AUTS2: variants seen among roughly 807,000 people sequenced by gnomAD.
The protein encoded by AUTS2 is activator of transcription and developmental regulator AUTS2.
A neutral mutation model predicts 112.4 loss-of-function variants in AUTS2; 17 were observed. The observed-to-expected ratio is 0.15, with a 90% CI of 0.10 to 0.23. AUTS2 has a LOEUF of 0.23. Ranked by LOEUF, AUTS2 falls within the 10% of genes least tolerant of loss-of-function variation. The pLI is 1.00. For synonymous variants in AUTS2, 751 were observed against 702.7 expected, an observed-to-expected ratio of 1.07 and a Z score of -1.09; for missense variants, 1,510 against 1,701.6, an observed-to-expected ratio of 0.89 and a Z score of 1.98.
chr7:70,001,771 C>T lies in AUTS2; in HGVS notation c.522+102273C>T, dbSNP rs919214150. ...CTGCCACCAGGCTGGAATGCAGTGG[C>T]CTGATCTCTGTTCACTGCAACCTCT... On this transcript the variant is annotated intron_variant, in intron 2 of 18. Transcript: ENST00000342771. Among the ~76,000 whole-genome samples, 10 of 148,134 alleles carry T rather than the reference C, an allele frequency of 6.8e-5. 1 individual carries two copies.
chr7:70,192,774 G>A (rs1809971098), intron 4 of AUTS2, among the ~76,000 whole-genome samples: 1 of 152,208 alleles, frequency 6.6e-6, no homozygotes, highest in Non-Finnish European at 1.5e-5. Context: ...GAACTCTGAA[G>A]AAACCACCTC....
intron 1 of AUTS2, among the ~76,000 whole-genome samples, chr7:69,628,079 G>A (rs902831723): frequency 6.6e-6 from 1 of 152,084 alleles, no homozygotes; most frequent in African/African-American, 2.4e-5. Flanking sequence ...GTAATGTGTC[G>A]GTAATGTGTG....
At chr7:70,357,621 A>G (rs907202018) in intron 4 of AUTS2, among the ~76,000 whole-genome samples, 3 of 152,184 alleles carry the variant, frequency 2.0e-5, no homozygotes, top group African/African-American at 7.2e-5. Flanking sequence ...GTGAAGACCT[A>G]TGTGTTTTAC....
intron 1 of AUTS2, among the ~76,000 whole-genome samples, chr7:69,641,598 G>C (rs1382611468): frequency 6.6e-6 from 1 of 152,192 alleles, no homozygotes; most frequent in Non-Finnish European, 1.5e-5. Context: ...AGTAAATTCA[G>C]TAAATAAAAT....
chr7:70,556,686 T>C (rs980417120), intron 5 of AUTS2, among the ~76,000 whole-genome samples: 1 of 152,210 alleles, frequency 6.6e-6, no homozygotes, highest in Admixed American at 6.5e-5. Context: ...CTTGAGACCA[T>C]TTATCTCAGA....
At chr7:69,688,683 A>T (rs1433223920) in intron 1 of AUTS2, among the ~76,000 whole-genome samples, 2 of 152,192 alleles carry the variant, frequency 1.3e-5, no homozygotes, top group Non-Finnish European at 2.9e-5. Context: ...TATTATTGTT[A>T]ACTATAGTCA....
chr7:70,741,251 T>C (rs1313190122), intron 6 of AUTS2, among the ~76,000 whole-genome samples: 1 of 151,376 alleles, frequency 6.6e-6, no homozygotes, highest in African/African-American at 2.4e-5. Context: ...TTCCTTAAAA[T>C]CACCATGCTG....
chr7:70,703,490 CAAAAAAAAAAAAA>C, intron 6 of AUTS2, among the ~76,000 whole-genome samples: 1 of 98,622 alleles, frequency 1.0e-5, no homozygotes, highest in African/African-American at 4.0e-5. Context: ...GACACCATTT[CAAAAAAAAAAAAA>C]AAAAAAAAAG....
At chr7:69,744,337 T>C (rs1381928716) in intron 1 of AUTS2, among the ~76,000 whole-genome samples, 1 of 152,174 alleles carries the variant, frequency 6.6e-6, no homozygotes, top group African/African-American at 2.4e-5. Flanking sequence ...GTAGAACTTC[T>C]GCATCTTAAG....
At chr7:70,767,003 A>G (rs1202018478) in intron 9 of AUTS2, among the ~76,000 whole-genome samples, 1 of 150,208 alleles carries the variant, frequency 6.7e-6, no homozygotes, top group Non-Finnish European at 1.5e-5. Flanking sequence ...ACATGTCCAG[A>G]ACCAGTGAGG....
At chr7:69,883,262 C>T (rs1010824868) in intron 1 of AUTS2, among the ~76,000 whole-genome samples, 9 of 149,182 alleles carry the variant, frequency 6.0e-5, no homozygotes, top group African/African-American at 1.2e-4. Flanking sequence ...GCCTCAGCTT[C>T]GGGGTGGAGC....
chr7:70,791,137 C>A lies in AUTS2; in HGVS notation c.*141C>A. ...TCCCCTTGTAAAAAATGTATAGACT[C>A]AGTGCACATTTTGAAATGTTTTGTA... On this transcript the variant is annotated 3_prime_UTR_variant, in exon 19 of 19. Coordinates refer to ENST00000342771, the MANE Select transcript of AUTS2 (RefSeq NM_015570.4). The A allele has an allele frequency of 2.5e-6, 2 of 797,432 alleles. No homozygotes were observed. Among genetic ancestry groups the A allele is most frequent in the East Asian group, 3.2e-5 (1 of 31,004 alleles). 49.4% of individuals were successfully genotyped at this position (797,432 alleles called of 1,614,324 possible).
intron 4 of AUTS2, among the ~76,000 whole-genome samples, chr7:70,410,102 A>G (rs1239459530): frequency 6.6e-6 from 1 of 152,172 alleles, no homozygotes; most frequent in Non-Finnish European, 1.5e-5. Context: ...GTTTTAGGGA[A>G]CTTTATAATT....
chr7:70,381,859 G>C (rs757719692), intron 4 of AUTS2, among the ~76,000 whole-genome samples: 2 of 152,046 alleles, frequency 1.3e-5, no homozygotes, highest in Non-Finnish European at 2.9e-5. Context: ...CACTCCCGTT[G>C]ATCCTTTAAT....
intron 4 of AUTS2, among the ~76,000 whole-genome samples, chr7:70,267,193 T>C (rs1028685569): frequency 1.3e-5 from 2 of 152,204 alleles, no homozygotes; most frequent in African/African-American, 4.8e-5. Flanking sequence ...CAAATTGCAT[T>C]ATGAAATCCT....
chr7:70,788,012 T>G (rs1791625687), intron 18 of AUTS2, among the ~76,000 whole-genome samples: 1 of 152,178 alleles, frequency 6.6e-6, no homozygotes, highest in Non-Finnish European at 1.5e-5. Flanking sequence ...GTGGATAATT[T>G]TGTTAACCGT....
chr7:70,676,411 G>A (rs1413389709), intron 5 of AUTS2, among the ~76,000 whole-genome samples: 4 of 152,000 alleles, frequency 2.6e-5, no homozygotes, highest in Admixed American at 6.6e-5. Flanking sequence ...CAGTCTGGGC[G>A]ACAGAGCCAG....
intron 5 of AUTS2, among the ~76,000 whole-genome samples, chr7:70,501,697 T>G (rs1798778712): frequency 6.6e-6 from 1 of 151,906 alleles, no homozygotes; most frequent in Non-Finnish European, 1.5e-5. Flanking sequence ...AACCTCCCCC[T>G]CAACAGCTCC....
At chr7:70,453,083 C>A (rs1293133784) in intron 5 of AUTS2, among the ~76,000 whole-genome samples, 1 of 152,154 alleles carries the variant, frequency 6.6e-6, no homozygotes, top group Non-Finnish European at 1.5e-5. Context: ...TAAAATGGAG[C>A]CTCTTGTGTG....
Sources: gnomAD v4.1 joint callset for allele counts (sites outside exome capture counted in the v4.1 genomes callset) on GRCh38, gnomAD v4.1.1 for gene constraint, MANE v1.5 for transcripts, NCBI Gene and HGNC (gene_info 2026-07-23, HGNC 2026-07-21) for gene names.